SLC7A7: variants seen among roughly 807,000 people sequenced by gnomAD.
SLC7A7 encodes solute carrier family 7 member 7.
In SLC7A7, 39 loss-of-function variants were observed where a neutral mutation model predicts 47.9. The ratio of observed to expected loss-of-function variants is 0.81; its 90% CI spans 0.63 to 1.06. The LOEUF (loss-of-function observed/expected upper bound fraction) is 1.06. SLC7A7 is among the 50% of genes least tolerant of loss of function. The probability of loss-of-function intolerance (pLI) is 0.00; values close to 1 mark genes in which losing one functional copy is unlikely to be tolerated. For synonymous variants in SLC7A7, 234 were observed against 242.8 expected (o/e 0.96, Z 0.34); for missense variants, 588 against 632.0 (o/e 0.93, Z 0.75).
At chr14:22,784,897 A>ACTATTACCTTT (rs1473450228) in intron 2 of SLC7A7, among the ~76,000 whole-genome samples, 1 of 152,232 alleles carries the variant, frequency 6.6e-6, no homozygotes, top group East Asian at 1.9e-4. Context: ...TTCTGTAAGC[A>ACTATTACCTTT]CTATTACCTT....
chr14:22,815,536 C>T (rs754520776), upstream of SLC7A7: 1 of 454,206 alleles, frequency 2.2e-6, no homozygotes, highest in Non-Finnish European at 4.4e-6. Flanking sequence ...TATTAAGCAA[C>T]CATCTGGGTC....
chr14:22,808,806 G>T (rs1339366875), intron 2 of SLC7A7, among the ~76,000 whole-genome samples: 1 of 152,164 alleles, frequency 6.6e-6, no homozygotes, highest in African/African-American at 2.4e-5. Context: ...TATTATCTAT[G>T]CAGTAATATT....
chr14:22,796,864 G>C (rs2039029983), intron 2 of SLC7A7, among the ~76,000 whole-genome samples: 1 of 152,142 alleles, frequency 6.6e-6, no homozygotes, highest in Admixed American at 6.5e-5. Flanking sequence ...GAAAGAAAAG[G>C]CTCAGCCCTC....
intron 2 of SLC7A7, among the ~76,000 whole-genome samples, chr14:22,807,737 C>G (rs915422895): frequency 2.0e-5 from 3 of 152,184 alleles, no homozygotes; most frequent in Non-Finnish European, 2.9e-5. Context: ...CCTTGCACCT[C>G]CACACCTTTG....
intron 2 of SLC7A7, among the ~76,000 whole-genome samples, chr14:22,787,921 AAGTT>A (rs1202690096): frequency 6.6e-6 from 1 of 151,460 alleles, no homozygotes; most frequent in African/African-American, 2.4e-5. Flanking sequence ...AAAATACAAA[AAGTT>A]AGCCGGGCGT....
upstream of SLC7A7, among the ~76,000 whole-genome samples, chr14:22,819,409 T>TAAA (rs35921867): frequency 6.4e-5 from 9 of 140,600 alleles, no homozygotes; most frequent in African/African-American, 2.3e-4. Context: ...ACAGTCTCTT[T>TAAA]AAAAAAAAAA....
chr14:22,806,817 G>A (rs374909689), intron 2 of SLC7A7, among the ~76,000 whole-genome samples: 1 of 152,060 alleles, frequency 6.6e-6, no homozygotes, highest in South Asian at 2.1e-4. Flanking sequence ...GGAAACCTAT[G>A]GGCAAGGCTG....
rs2039333654 is a variant in SLC7A7, at chr14:22,812,790, T to TATATATATATATATATATA, written c.499+109_499+110insTATATATATATATATATAT. On this transcript the variant is annotated intron_variant, in intron 2 of 9. Transcript: ENST00000674313. The stretch of plus-strand genomic sequence containing the variant: ...TACTTTAACTATATATATATATATA[T>TATATATATATATATATATA]ATGTTGTCAGAGACATTCCTCTCTA... 41 of 772,408 alleles carry TATATATATATATATATATA rather than the reference T, an allele frequency of 5.3e-5. 1 individual carries two copies. The South Asian group carries it at 7.7e-4, about 15-fold the overall frequency. The allele number at this position is 772,408 out of a possible 1,614,324, so 47.8% of individuals were successfully genotyped here. A position where few individuals can be genotyped will look rare whatever the true frequency, so the allele number is the denominator to read the frequency against.
chr14:22,774,242 T>TA (rs2038546037), intron 8 of SLC7A7, 112 bp downstream of exon 8: 2 of 1,594,830 alleles, frequency 1.3e-6, no homozygotes. Context: ...AACACATTAC[T>TA]AACGACCAAG....
upstream of SLC7A7, among the ~76,000 whole-genome samples, chr14:22,819,152 G>C (rs907882722): frequency 5.9e-5 from 9 of 152,094 alleles, no homozygotes; most frequent in African/African-American, 2.2e-4. Flanking sequence ...CCAGGAACTA[G>C]TACATAATTC....
At chr14:22,795,412 T>TTC (rs2039000609) in intron 2 of SLC7A7, among the ~76,000 whole-genome samples, 1 of 120,100 alleles carries the variant, frequency 8.3e-6, no homozygotes, top group East Asian at 2.2e-4. Context: ...CTTTCTTTCT[T>TTC]TCTTTCTTTC....
At chr14:22,808,205 C>A (rs550664278) in intron 2 of SLC7A7, among the ~76,000 whole-genome samples, 1 of 151,760 alleles carries the variant, frequency 6.6e-6, no homozygotes, top group African/African-American at 2.4e-5. Flanking sequence ...TCTTATGGTG[C>A]CTCTATCAGT....
chr14:22,803,102 T>C (rs776673370), intron 2 of SLC7A7, among the ~76,000 whole-genome samples: 2 of 152,124 alleles, frequency 1.3e-5, no homozygotes, highest in Non-Finnish European at 2.9e-5. Flanking sequence ...GAGAGACAAG[T>C]AAATGATGTG....
At chr14:22,776,475 T>C (rs1455719631) in intron 4 of SLC7A7, among the ~76,000 whole-genome samples, 157 bp from the exon 5 acceptor site, 1 of 152,186 alleles carries the variant, frequency 6.6e-6, no homozygotes, top group Non-Finnish European at 1.5e-5. Context: ...CCCTGGATAG[T>C]GGCTGAAGCT....
chr14:22,787,465 ACATGGGCTGG>A (rs2038837633), intron 2 of SLC7A7, among the ~76,000 whole-genome samples: 1 of 137,008 alleles, frequency 7.3e-6, no homozygotes, highest in African/African-American at 2.5e-5. Flanking sequence ...ATAAATGTTG[ACATGGGCTGG>A]CAGCAGTGGC....
At chr14:22,775,581 A>C in intron 6 of SLC7A7, 41 bp from the exon 7 acceptor site, 1 of 1,557,746 alleles carries the variant, frequency 6.4e-7, no homozygotes, top group Non-Finnish European at 8.9e-7. Context: ...AAATTGGTGG[A>C]CACGGTGCAG....
At chr14:22,817,137 T>A (rs28432732), upstream of SLC7A7, 4,671 of 132,708 alleles carry the variant, frequency 0.035, 230 homozygotes, top group African/African-American at 0.13. Context: ...TTATTTTTTT[T>A]TTTTTTTATT....
chr14:22,813,371 C>A lies in SLC7A7; in HGVS notation c.28G>T (p.Ala10Ser). Residue 10 changes from alanine to serine, a missense_variant, in exon 2 of 10, where the codon GCC becomes TCC. By Grantham distance (99) the Ala-to-Ser change is moderately conservative. Transcript: ENST00000674313. MVDSTEYEV[A>S]SQPEVETSPL... Reference sequence around the variant, plus strand: ...GAGGTTTCCACCTCAGGCTGGGAGGCCACTTCATACTCAGTGCTGTCAACC... The same window carrying A: ...GAGGTTTCCACCTCAGGCTGGGAGGACACTTCATACTCAGTGCTGTCAACC... 1 of 1,613,274 alleles carries A rather than the reference C, an allele frequency of 6.2e-7. No homozygotes were observed. Among genetic ancestry groups the A allele is most frequent in the Non-Finnish European group, 8.5e-7 (1 of 1,180,030 alleles).
chr14:22,818,027 A>C (rs1311811428), upstream of SLC7A7, among the ~76,000 whole-genome samples: 2 of 151,926 alleles, frequency 1.3e-5, no homozygotes, highest in African/African-American at 4.8e-5. Flanking sequence ...AAGCAAACAA[A>C]AAAAAAAACA....
Sources: gnomAD v4.1 joint callset for allele counts (sites outside exome capture counted in the v4.1 genomes callset) on GRCh38, gnomAD v4.1.1 for gene constraint, MANE v1.5 for transcripts, NCBI Gene and HGNC (gene_info 2026-07-23, HGNC 2026-07-21) for gene names.